The following XKR9 variants were observed in gnomAD, a reference collection of about 807,000 sequenced individuals.
The protein encoded by XKR9 is XK-related protein 9.
XKR9 carries 32 observed loss-of-function variants against 32.0 expected under a neutral mutation model. That is an observed-to-expected ratio of 1.00 (90% CI 0.76 to 1.34). The LOEUF is 1.34. XKR9 is among the 40% of genes most tolerant of loss of function. The pLI is 0.00. For synonymous variants in XKR9, 168 were observed against 143.4 expected, an observed-to-expected ratio of 1.17 and a Z score of -1.22; for missense variants, 546 against 429.7, an observed-to-expected ratio of 1.27 and a Z score of -2.39.
At chr8:70,712,091 G>A (rs1805937832) in intron 4 of XKR9, among the ~76,000 whole-genome samples, 1 of 152,062 alleles carries the variant, frequency 6.6e-6, no homozygotes, top group Non-Finnish European at 1.5e-5. Context: ...TGTTCCTTCT[G>A]AAATCACAGT....
intron 2 of XKR9, among the ~76,000 whole-genome samples, chr8:70,764,135 C>A (rs1365683423): frequency 6.6e-6 from 1 of 152,138 alleles, no homozygotes; most frequent in Non-Finnish European, 1.5e-5. Context: ...TCTTCTCATT[C>A]TTTTCTTAGG....
At chr8:70,852,837 G>A in the XKR9 span, among the ~76,000 whole-genome samples, 1 of 152,128 alleles carries the variant, frequency 6.6e-6, no homozygotes, top group African/African-American at 2.4e-5. Context: ...ATCACATTCT[G>A]GGGTCCATTG....
the XKR9 span, among the ~76,000 whole-genome samples, chr8:71,032,048 C>T: frequency 3.9e-5 from 6 of 152,142 alleles, no homozygotes; most frequent in African/African-American, 1.2e-4. Flanking sequence ...TAATCCCACA[C>T]TTTGGCAGGC....
At chr8:70,879,068 C>T in the XKR9 span, among the ~76,000 whole-genome samples, 1 of 152,058 alleles carries the variant, frequency 6.6e-6, no homozygotes, top group Non-Finnish European at 1.5e-5. Flanking sequence ...TGGTAAATAA[C>T]AAAATGAAGG....
intron 2 of XKR9, among the ~76,000 whole-genome samples, chr8:70,758,867 C>G (rs1169515819): frequency 6.6e-6 from 1 of 152,172 alleles, no homozygotes; most frequent in Non-Finnish European, 1.5e-5. Context: ...ATGGCCTTAC[C>G]ATACTGGCCC....
chr8:70,720,910 A>C (rs1003773431), intron 4 of XKR9, among the ~76,000 whole-genome samples: 1 of 152,130 alleles, frequency 6.6e-6, no homozygotes, highest in Non-Finnish European at 1.5e-5. Flanking sequence ...GTAGAATTCA[A>C]CTGTGAATCC....
the XKR9 span, among the ~76,000 whole-genome samples, chr8:70,998,127 C>A: frequency 5.3e-5 from 8 of 152,304 alleles, no homozygotes; most frequent in African/African-American, 1.9e-4. Context: ...CAGCTATGCT[C>A]TAGACTTCAG....
At chr8:70,844,554 C>T in the XKR9 span, among the ~76,000 whole-genome samples, 6 of 152,198 alleles carry the variant, frequency 3.9e-5, no homozygotes, top group Non-Finnish European at 8.8e-5. Context: ...CATCACCTTG[C>T]CCTGCTCACT....
the XKR9 span, among the ~76,000 whole-genome samples, chr8:70,874,831 T>C: frequency 1.3e-5 from 2 of 152,204 alleles, no homozygotes; most frequent in African/African-American, 2.4e-5. Flanking sequence ...AAGTGGGTAT[T>C]AGTAGTTCAG....
the XKR9 span, among the ~76,000 whole-genome samples, chr8:71,062,809 T>G: frequency 2.0e-5 from 3 of 152,260 alleles, no homozygotes; most frequent in East Asian, 5.8e-4. Flanking sequence ...TTCTAATACC[T>G]TTTTTAAGAA....
chr8:70,986,374 TA>T, the XKR9 span, among the ~76,000 whole-genome samples: 2 of 152,198 alleles, frequency 1.3e-5, no homozygotes, highest in Non-Finnish European at 2.9e-5. Context: ...CACTCTATAA[TA>T]AAACATTGAA....
At chr8:71,028,147 C>T in the XKR9 span, among the ~76,000 whole-genome samples, 2 of 152,142 alleles carry the variant, frequency 1.3e-5, no homozygotes, top group Non-Finnish European at 2.9e-5. Flanking sequence ...TGTAGATCAC[C>T]TTGGGTAGTA....
At chr8:70,738,197 G>A (rs1216025019), downstream of XKR9, among the ~76,000 whole-genome samples, 1 of 135,060 alleles carries the variant, frequency 7.4e-6, no homozygotes, top group Non-Finnish European at 1.7e-5. Context: ...GTTAGTGTTG[G>A]GAGGGTGTAT....
chr8:70,863,171 G>A, the XKR9 span, among the ~76,000 whole-genome samples: 1 of 152,150 alleles, frequency 6.6e-6, no homozygotes, highest in Admixed American at 6.6e-5. Flanking sequence ...GATGTTGAGA[G>A]AATCTCAGGC....
chr8:70,952,178 A>T, the XKR9 span, among the ~76,000 whole-genome samples: 16 of 151,880 alleles, frequency 1.1e-4, no homozygotes, highest in African/African-American at 3.9e-4. Context: ...ACACACACAC[A>T]CACACACACA....
intron 2 of XKR9, among the ~76,000 whole-genome samples, chr8:70,750,284 A>C (rs1255449947): frequency 1.3e-5 from 2 of 152,162 alleles, no homozygotes; most frequent in Non-Finnish European, 2.9e-5. Flanking sequence ...AGGGGTTTCT[A>C]TTAGCAGCAG....
At chr8:71,022,989 A>G in the XKR9 span, among the ~76,000 whole-genome samples, 1 of 151,316 alleles carries the variant, frequency 6.6e-6, no homozygotes, top group Non-Finnish European at 1.5e-5. Context: ...TATCATTCAT[A>G]TCCTTAATTG....
the XKR9 span, among the ~76,000 whole-genome samples, chr8:70,957,655 A>G: frequency 3.3e-5 from 5 of 152,076 alleles, no homozygotes; most frequent in Non-Finnish European, 5.9e-5. Context: ...CTCTTCCCGC[A>G]TTAGTTTGCT....
chr8:71,053,551 A>G, the XKR9 span, among the ~76,000 whole-genome samples: 1 of 152,258 alleles, frequency 6.6e-6, no homozygotes, highest in Middle Eastern at 3.2e-3. Context: ...AGTTTGAAAC[A>G]TGTAAAAGAA....
Sources: allele counts gnomAD v4.1 joint callset (sites outside exome capture counted in the v4.1 genomes callset), GRCh38; gene constraint gnomAD v4.1.1; transcripts MANE v1.5; gene names NCBI Gene and HGNC (gene_info 2026-07-23, HGNC 2026-07-21).